F8: variants seen among roughly 807,000 people sequenced by gnomAD.
F8 encodes the protein coagulation factor VIII.
In F8, 12 loss-of-function variants were observed where a neutral mutation model predicts 140.6. The ratio of observed to expected loss-of-function variants is 0.09; its 90% CI spans 0.05 to 0.14. The LOEUF (loss-of-function observed/expected upper bound fraction) is 0.14, where lower values mean the gene tolerates loss of function less well. Among genes scored for constraint, F8 ranks in the 10% least tolerant of loss-of-function variants. The pLI, the probability that F8 is intolerant of heterozygous loss-of-function variation, is 1.00. For missense variants in F8, 1,354 were observed against 1,720.7 expected (o/e 0.79, Z 3.77); for synonymous variants, 585 against 614.6 (o/e 0.95, Z 0.71).
chrX:154,958,602 T>C (rs1049406241), intron 10 of F8, among the ~76,000 whole-genome samples: 2 of 111,642 alleles, frequency 1.8e-5, no homozygotes, highest in African/African-American at 6.5e-5. Flanking sequence ...CAATAATGAA[T>C]ATTAGAAAAC....
rs782132907 is a variant in F8, at chrX:154,902,178, C to T, written c.5999-11G>A. On this transcript the variant is annotated splice_polypyrimidine_tract_variant and intron_variant, in intron 18 of 25. Transcript: ENST00000360256. ...CTGTCTCAAAAACACCTTATAAAAACCAACAGGAACAGAAATTATTTCTTT... is the reference window on the plus strand; with the variant it reads ...CTGTCTCAAAAACACCTTATAAAAATCAACAGGAACAGAAATTATTTCTTT... The T allele has an allele frequency of 1.2e-4, 130 of 1,090,628 alleles. No individual in the cohort carries two copies. In the South Asian group the frequency reaches 2.0e-3, roughly 17 times the overall value. The allele number at this position is 1,090,628 out of a possible 1,213,427, so 89.9% of individuals were successfully genotyped here.
chrX:154,983,370 C>A (rs1387427353), intron 6 of F8, among the ~76,000 whole-genome samples: 1 of 111,507 alleles, frequency 9.0e-6, no homozygotes, highest in Non-Finnish European at 1.9e-5. Flanking sequence ...TCATTTGCAT[C>A]AACATAGGTG....
Position 154,967,748 on chromosome X carries a change from A to G in F8, c.1010-1061T>C, listed in dbSNP as rs924874610. On this transcript the variant is annotated intron_variant, in intron 7 of 25. Coordinates refer to ENST00000360256, the MANE Select transcript of F8 (RefSeq NM_000132.4). ...ATGATCATATACAAGTAAATGACCT[A>G]TTCCTCTGTGCCTGCAAGAATGTTG... Among the ~76,000 whole-genome samples the G allele has an allele frequency of 8.0e-5, 9 of 112,246 alleles. 1 individual carries two copies. Among genetic ancestry groups the G allele is most frequent in the Admixed American group, 5.7e-4 (6 of 10,559 alleles).
chrX:154,866,799 A>G (rs1433625046), intron 22 of F8, among the ~76,000 whole-genome samples: 1 of 111,393 alleles, frequency 9.0e-6, no homozygotes, highest in Admixed American at 9.6e-5. Context: ...TACAAAAAGA[A>G]GAAAAAAAAA....
intron 12 of F8, among the ~76,000 whole-genome samples, chrX:154,952,733 G>A (rs1452499441): frequency 9.1e-6 from 1 of 110,035 alleles, no homozygotes; most frequent in African/African-American, 3.3e-5. Context: ...TAGTAGAGAC[G>A]GGGTTTCACT....
chrX:154,997,217 G>A, intron 2 of F8, 122 bp from the exon 3 acceptor site: 2 of 876,902 alleles, frequency 2.3e-6, no homozygotes, highest in Non-Finnish European at 1.7e-6. Context: ...CTGACAAAAA[G>A]TAGTATTTGC....
chrX:155,003,165 A>C (rs1229876926), intron 1 of F8, among the ~76,000 whole-genome samples: 1 of 112,244 alleles, frequency 8.9e-6, no homozygotes, highest in Non-Finnish European at 1.9e-5. Context: ...GAATTTTTTA[A>C]ACTATGATTA....
Position 154,837,427 on chromosome X carries a change from C to G in F8, c.*170G>C, listed in dbSNP as rs2072482035. 1.9e-6 allele frequency: 1 copy of G among 528,033 alleles called. No individual in the cohort carries two copies. The highest frequency in any genetic ancestry group is 2.3e-5 in the African/African-American group (1 of 42,709). The allele number at this position is 528,033 out of a possible 1,213,427, so 43.5% of individuals were successfully genotyped here. On this transcript the variant is annotated 3_prime_UTR_variant, in exon 26 of 26. Transcript: ENST00000360256. ...AGTTAAGTTAAATTGGATGCACCCT[C>G]CTGGCCCCCCACCAAAGAAATGCAG...
intron 25 of F8, among the ~76,000 whole-genome samples, chrX:154,839,708 T>C (rs182074979): frequency 1.3e-3 from 145 of 111,668 alleles, no homozygotes; most frequent in South Asian, 5.6e-3. Context: ...TCTCAACTTA[T>C]TTGTTTCCTT....
intron 10 of F8, among the ~76,000 whole-genome samples, chrX:154,959,656 T>C (rs782733033): frequency 1.8e-5 from 2 of 111,443 alleles, no homozygotes; most frequent in Non-Finnish European, 3.8e-5. Context: ...TTGCATCCAT[T>C]AACCAACGTC....
chrX:154,959,963 T>A (rs1490881755), intron 10 of F8, among the ~76,000 whole-genome samples: 1 of 111,907 alleles, frequency 8.9e-6, no homozygotes, highest in Non-Finnish European at 1.9e-5. Context: ...GCACAAAATG[T>A]AAATGTTATC....
intron 14 of F8, among the ~76,000 whole-genome samples, chrX:154,921,811 T>C (rs1024370127): frequency 7.8e-5 from 8 of 103,173 alleles, no homozygotes; most frequent in Admixed American, 3.3e-4. Context: ...TTCTCACTCA[T>C]AGGTGGGAAT....
intron 22 of F8, among the ~76,000 whole-genome samples, chrX:154,863,548 G>A (rs781981068): frequency 9.0e-6 from 1 of 111,541 alleles, no homozygotes; most frequent in East Asian, 2.8e-4. Context: ...ACCAGGAGTA[G>A]CAGCATCACC....
At chrX:154,982,460 A>AT (rs1271857672) in intron 6 of F8, among the ~76,000 whole-genome samples, 1,132 of 94,915 alleles carry the variant, frequency 0.012, 24 homozygotes, top group African/African-American at 0.043. Context: ...AAAAAAAAAA[A>AT]AAAAATATAT....
chrX:154,895,397 C>T (rs2072973671), intron 22 of F8, among the ~76,000 whole-genome samples: 2 of 112,070 alleles, frequency 1.8e-5, no homozygotes, highest in Admixed American at 9.4e-5. Context: ...TGATGATTAT[C>T]CTGAAAATGA....
At position 154,984,943 on chromosome X, in the gene F8, T is replaced by C. The variant is rs28370206; in HGVS notation, c.671-140A>G. The C allele has an allele frequency of 1.1e-5, 6 of 536,957 alleles. No individual in the cohort carries two copies. In the African/African-American group the frequency reaches 1.4e-4, roughly 12 times the overall value. The allele number at this position is 536,957 out of a possible 1,213,427, so 44.3% of individuals were successfully genotyped here. A position where few individuals can be genotyped will look rare whatever the true frequency, so the allele number is the denominator to read the frequency against. ...CAAAGTAGGCACACAGCACTTATCC[T>C]CTCAAAGTCAGTGTGAGGGAGGGAG... is the stretch of plus-strand genomic sequence containing the variant. On this transcript the variant is annotated intron_variant, in intron 5 of 25. Transcript: ENST00000360256.
chrX:155,014,254 T>C (rs782426763), intron 1 of F8, among the ~76,000 whole-genome samples: 1 of 111,967 alleles, frequency 8.9e-6, no homozygotes, highest in Non-Finnish European at 1.9e-5. Flanking sequence ...ATAAAAACTC[T>C]CACACCAAGA....
intron 22 of F8, among the ~76,000 whole-genome samples, chrX:154,872,918 A>C (rs1239758464): frequency 2.7e-5 from 3 of 111,518 alleles, no homozygotes; most frequent in Non-Finnish European, 5.6e-5. Flanking sequence ...AAATTAGAAA[A>C]TAATCTTATT....
chrX:154,960,867 T>C (rs373415538), intron 10 of F8, among the ~76,000 whole-genome samples: 25 of 112,284 alleles, frequency 2.2e-4, no homozygotes, highest in Non-Finnish European at 3.6e-4. Context: ...CGCTAGGTAA[T>C]AGGAAAAACA....
Sources: allele counts gnomAD v4.1 joint callset (sites outside exome capture counted in the v4.1 genomes callset), GRCh38; gene constraint gnomAD v4.1.1; transcripts MANE v1.5; gene names NCBI Gene and HGNC (gene_info 2026-07-23, HGNC 2026-07-21).